UNC5C: variants seen among roughly 807,000 people sequenced by gnomAD.
UNC5C encodes netrin receptor UNC5C.
Under a neutral mutation model 99.8 loss-of-function variants are expected in UNC5C, and 47 were observed. The observed-to-expected ratio is 0.47, with a 90% CI of 0.37 to 0.60. The LOEUF (loss-of-function observed/expected upper bound fraction) is 0.60, where lower values mean the gene tolerates loss of function less well. Among genes scored for constraint, UNC5C ranks in the 20% least tolerant of loss-of-function variants. The pLI is 0.00. For missense variants in UNC5C, 1,062 were observed against 1,165.9 expected (o/e 0.91, Z 1.30); for synonymous variants, 487 against 452.2 (o/e 1.08, Z -0.98).
chr4:95,368,355 C>T (rs1046898266), intron 1 of UNC5C, among the ~76,000 whole-genome samples: 1 of 145,866 alleles, frequency 6.9e-6, no homozygotes, highest in Non-Finnish European at 1.5e-5. Flanking sequence ...CTTACTACTA[C>T]ATTTCACATC....
chr4:95,180,091 A>G (rs770845298), intron 14 of UNC5C, among the ~76,000 whole-genome samples: 5 of 152,198 alleles, frequency 3.3e-5, no homozygotes, highest in African/African-American at 9.7e-5. Flanking sequence ...AATGGTGAAC[A>G]TAGATTAAGC....
rs1560801873 is a variant in UNC5C, at chr4:95,356,224, A to AAAAAAAAC, written c.125-20594_125-20593insGTTTTTTT. 1.3e-4 allele frequency among the ~76,000 whole-genome samples: 16 copies of AAAAAAAAC among 127,554 alleles called. 1 individual carries two copies. The highest frequency in any genetic ancestry group is 1.6e-4 in the African/African-American group (5 of 30,992). 83.7% of individuals were successfully genotyped at this position (127,554 alleles called of 152,430 possible). A position where few individuals can be genotyped will look rare whatever the true frequency, so the allele number is the denominator to read the frequency against. ...AAAAAAAAAAAAAACAAAACAAAAA[A>AAAAAAAAC]AAAACAGATTCCTCGTTCTTCCTCA... is the stretch of plus-strand genomic sequence containing the variant. On this transcript the variant is annotated intron_variant, in intron 1 of 15. Transcript: ENST00000453304.
chr4:95,307,405 T>C (rs1284062833), intron 2 of UNC5C, among the ~76,000 whole-genome samples: 3 of 152,114 alleles, frequency 2.0e-5, no homozygotes, highest in African/African-American at 7.2e-5. Context: ...AAGATGAATG[T>C]AAGAAACGCA....
At chr4:95,182,838 A>C in intron 14 of UNC5C, 59 bp downstream of exon 14, 2 of 1,552,592 alleles carry the variant, frequency 1.3e-6, no homozygotes, top group Non-Finnish European at 1.8e-6. Context: ...TAGCCCACAC[A>C]CTCTGTCTTC....
intron 10 of UNC5C, among the ~76,000 whole-genome samples, chr4:95,211,589 C>T (rs887075892): frequency 6.6e-6 from 1 of 152,120 alleles, no homozygotes; most frequent in Admixed American, 6.5e-5. Context: ...TTTTTTTCCT[C>T]ATGGACATGC....
chr4:95,384,967 C>G (rs1260636667), intron 1 of UNC5C, among the ~76,000 whole-genome samples: 2 of 152,006 alleles, frequency 1.3e-5, no homozygotes, highest in Non-Finnish European at 2.9e-5. Context: ...GGAGAATGTA[C>G]AGATAGGACA....
intron 2 of UNC5C, among the ~76,000 whole-genome samples, chr4:95,306,574 A>G (rs1742070510): frequency 6.6e-6 from 1 of 152,032 alleles, no homozygotes; most frequent in East Asian, 1.9e-4. Context: ...CTTAAAACAC[A>G]TTTTCATGAT....
chr4:95,284,934 G>T (rs1741181336), intron 3 of UNC5C, among the ~76,000 whole-genome samples: 2 of 152,134 alleles, frequency 1.3e-5, no homozygotes, highest in East Asian at 3.9e-4. Flanking sequence ...TAATAGGAAA[G>T]TGGAGGCTCT....
At chr4:95,385,567 T>TA (rs1002323979) in intron 1 of UNC5C, among the ~76,000 whole-genome samples, 2 of 151,210 alleles carry the variant, frequency 1.3e-5, no homozygotes, top group Non-Finnish European at 3.0e-5. Flanking sequence ...AGAGAGGAAA[T>TA]AAAAAAAAAG....
intron 7 of UNC5C, among the ~76,000 whole-genome samples, chr4:95,234,381 CT>C (rs35325293): frequency 1.3e-5 from 2 of 150,450 alleles, no homozygotes; most frequent in East Asian, 1.9e-4. Context: ...AATCGCTTAC[CT>C]TTTTTTTATT....
intron 1 of UNC5C, among the ~76,000 whole-genome samples, chr4:95,413,576 A>G (rs1364997607): frequency 1.3e-5 from 2 of 152,198 alleles, no homozygotes; most frequent in Non-Finnish European, 2.9e-5. Flanking sequence ...AATCAACTGA[A>G]TTCATCTTCC....
chr4:95,234,689 G>A (rs1250745972), intron 7 of UNC5C, among the ~76,000 whole-genome samples: 3 of 152,094 alleles, frequency 2.0e-5, no homozygotes, highest in South Asian at 4.1e-4. Context: ...CATCAATTTT[G>A]TAAAGGTCTT....
chr4:95,394,154 T>C (rs1352884531), intron 1 of UNC5C, among the ~76,000 whole-genome samples: 2 of 152,120 alleles, frequency 1.3e-5, no homozygotes, highest in East Asian at 1.9e-4. Flanking sequence ...GTATTGCTTC[T>C]CCATTTGATT....
intron 1 of UNC5C, among the ~76,000 whole-genome samples, chr4:95,371,718 G>T (rs1744754662): frequency 6.6e-6 from 1 of 152,118 alleles, no homozygotes. Context: ...GTAAGTGTTT[G>T]TTCAATAAAT....
intron 1 of UNC5C, among the ~76,000 whole-genome samples, chr4:95,480,212 A>C (rs1483483045): frequency 6.6e-6 from 1 of 151,654 alleles, no homozygotes; most frequent in East Asian, 1.9e-4. Flanking sequence ...TGTATACACA[A>C]GTATACATGT....
Position 95,178,917 on chromosome 4 carries a change from G to GACA in UNC5C, c.2451+3977_2451+3979dup, listed in dbSNP as rs1289546240. Among the ~76,000 whole-genome samples the GACA allele has an allele frequency of 7.2e-5, 11 of 152,274 alleles. No individual in the cohort carries two copies. The East Asian group carries it at 2.1e-3, about 29-fold the overall frequency. On this transcript the variant is annotated intron_variant, in intron 14 of 15. Transcript: ENST00000453304. Reference sequence around the variant, plus strand: ...TGTTTCTTTCTCTTATCAAATGGCTGACAACAGCCTTGAAAGTTAAAGTAA... The same window carrying GACA: ...TGTTTCTTTCTCTTATCAAATGGCTGACAACAACAGCCTTGAAAGTTAAAGTAA...
At chr4:95,357,816 C>A (rs75574323) in intron 1 of UNC5C, among the ~76,000 whole-genome samples, 1 of 151,860 alleles carries the variant, frequency 6.6e-6, no homozygotes, top group African/African-American at 2.4e-5. Flanking sequence ...ACAAAAATGA[C>A]AACCACAAAA....
chr4:95,252,414 C>T (rs1739780102), intron 4 of UNC5C, among the ~76,000 whole-genome samples: 1 of 152,174 alleles, frequency 6.6e-6, no homozygotes, highest in Non-Finnish European at 1.5e-5. Context: ...GTACTCATAC[C>T]TGGCCCTCTT....
chr4:95,267,796 CA>C lies in UNC5C; in HGVS notation c.594+10462del, dbSNP rs79973212. ...ATGCAAATGCCAGTAAATAACAATA[CA>C]AAAAAAAAATCATTTTTTCCCCATC... is the stretch of plus-strand genomic sequence containing the variant. On this transcript the variant is annotated intron_variant, in intron 4 of 15. Transcript: ENST00000453304. Among the ~76,000 whole-genome samples the C allele has an allele frequency of 1.8e-3, 264 of 147,898 alleles. 2 individuals carry two copies. The highest frequency in any genetic ancestry group is 3.6e-3 in the African/African-American group (145 of 40,844).
Sources: allele counts gnomAD v4.1 joint callset (sites outside exome capture counted in the v4.1 genomes callset), GRCh38; gene constraint gnomAD v4.1.1; transcripts MANE v1.5; gene names NCBI Gene and HGNC (gene_info 2026-07-23, HGNC 2026-07-21).